The following PMAIP1 variants were observed in gnomAD, a reference collection of about 807,000 sequenced individuals.
PMAIP1 encodes phorbol-12-myristate-13-acetate-induced protein 1.
Under a neutral mutation model 3.7 loss-of-function variants are expected in PMAIP1, and 3 were observed. The observed-to-expected ratio is 0.82, with a 90% confidence interval of 0.37 to 2.12. The LOEUF is 2.12. Ranked by LOEUF, PMAIP1 falls within the 30% of genes most tolerant of loss-of-function variation. PMAIP1 has a pLI of 0.06. For missense variants in PMAIP1, 77 were observed against 67.1 expected (o/e 1.15, Z -0.52); for synonymous variants, 29 against 26.2 (o/e 1.11, Z -0.32).
chr18:59,900,379 C>CG (rs1384213984), intron 1 of PMAIP1, 144 bp downstream of exon 1: 1 of 1,545,214 alleles, frequency 6.5e-7, no homozygotes, highest in Non-Finnish European at 8.7e-7. Context: ...TGTGCCCTGG[C>CG]GCGAGCCTTA....
At chr18:59,902,151 A>G (rs537318317) in intron 1 of PMAIP1, among the ~76,000 whole-genome samples, 14 of 152,364 alleles carry the variant, frequency 9.2e-5, no homozygotes, top group African/African-American at 2.9e-4. Flanking sequence ...CTAAGCTGTA[A>G]ATTATTGCCA....
chr18:59,900,518 C>A, intron 1 of PMAIP1: 1 of 1,550,400 alleles, frequency 6.4e-7, no homozygotes, highest in Non-Finnish European at 8.7e-7. Flanking sequence ...AAGCTCCTTT[C>A]CTCCTCTCTT....
chr18:59,900,130 C>A lies in PMAIP1; in HGVS notation c.-48C>A. On this transcript the variant is annotated 5_prime_UTR_variant, in exon 1 of 2. It adds an upstream start codon to the 5' untranslated region. Transcript: ENST00000316660. The stretch of plus-strand genomic sequence containing the variant: ...CTGTCCGAGGTGCTCCAGTTGGAGG[C>A]TGAGGTTCCCGGGCTCTGTAGCTGA... 1.9e-6 allele frequency: 3 copies of A among 1,539,352 alleles called. No individual in the cohort carries two copies. Among genetic ancestry groups the A allele is most frequent in the Non-Finnish European group, 2.6e-6 (3 of 1,145,480 alleles).
At position 59,903,863 on chromosome 18, in the gene PMAIP1, A is replaced by G. The variant is rs1438479967; in HGVS notation, c.*1110A>G. ...CTGTATAGATAATTTGTATTAGAGT[A>G]TTATATAGCTTCTTAGTAGGGTCTC... On this transcript the variant is annotated 3_prime_UTR_variant, in exon 2 of 2. Transcript: ENST00000316660. 1 of 152,156 alleles carries G rather than the reference A, an allele frequency of 6.6e-6. No individual in the cohort carries two copies. The highest frequency in any genetic ancestry group is 2.4e-5 in the African/African-American group (1 of 41,446). 9.4% of individuals were successfully genotyped at this position (152,156 alleles called of 1,614,324 possible).
Position 59,900,196 on chromosome 18 carries a change from C to A in PMAIP1, c.19C>A (p.Arg7Ser), listed in dbSNP as rs866266024. 1 of 1,558,640 alleles carries A rather than the reference C, an allele frequency of 6.4e-7. No homozygotes were observed. The highest frequency in any genetic ancestry group is 1.2e-5 in the South Asian group (1 of 85,138). MPGKKA[R>S]KNAQPSPARA... The stretch of plus-strand genomic sequence containing the variant: ...GGCGGAGATGCCTGGGAAGAAGGCG[C>A]GCAAGAACGCTCAACCGAGCCCCGC... The change falls in exon 1 of 2, where the codon CGC becomes AGC. Residue 7 changes from arginine to serine, a missense_variant. Coordinates refer to ENST00000316660, the MANE Select transcript of PMAIP1 (RefSeq NM_021127.3).
chr18:59,902,946 T>G lies in PMAIP1; in HGVS notation c.*193T>G. 1 of 895,248 alleles carries G rather than the reference T, an allele frequency of 1.1e-6. No individual in the cohort carries two copies. The allele number at this position is 895,248 out of a possible 1,614,324, so 55.5% of individuals were successfully genotyped here. A position where few individuals can be genotyped will look rare whatever the true frequency, so the allele number is the denominator to read the frequency against. On this transcript the variant is annotated 3_prime_UTR_variant, in exon 2 of 2. Coordinates refer to ENST00000316660, the MANE Select transcript of PMAIP1 (RefSeq NM_021127.3). ...CAAGTTTTCCCAGATTATCATTCTT[T>G]GGGATGAGAGAACATTATAAAACCA...
chr18:59,900,813 A>AT, intron 1 of PMAIP1: 1 of 516,992 alleles, frequency 1.9e-6, no homozygotes, highest in Non-Finnish European at 3.5e-6. Context: ...CCCCACCCCG[A>AT]TACATACAGC....
chr18:59,900,444 G>A (rs1173354134), intron 1 of PMAIP1: 3 of 1,539,042 alleles, frequency 1.9e-6, no homozygotes, highest in Middle Eastern at 1.7e-4. Flanking sequence ...CGGGTACGGC[G>A]GGTACGGCGA....
In PMAIP1 at chr18:59,903,685, A is replaced by G. The variant is rs1454566723; in HGVS notation, c.*932A>G. 11 of 152,192 alleles carry G rather than the reference A, an allele frequency of 7.2e-5. No individual in the cohort carries two copies. The highest frequency in any genetic ancestry group is 1.5e-5 in the Non-Finnish European group (1 of 68,030). 9.4% of individuals were successfully genotyped at this position (152,192 alleles called of 1,614,324 possible). A position where few individuals can be genotyped will look rare whatever the true frequency, so the allele number is the denominator to read the frequency against. On this transcript the variant is annotated 3_prime_UTR_variant, in exon 2 of 2. Transcript: ENST00000316660. The stretch of plus-strand genomic sequence containing the variant: ...TCACATTAGTGTGCATCCTACAAAA[A>G]GTGATCTCTTAATGTAAATTAAGAA...
In PMAIP1 at chr18:59,900,035, C is replaced by A; in HGVS notation, c.-143C>A. 1.2e-6 allele frequency: 1 copy of A among 803,748 alleles called. No homozygotes were observed. The highest frequency in any genetic ancestry group is 1.8e-6 in the Non-Finnish European group (1 of 541,170). The allele number at this position is 803,748 out of a possible 1,614,324, so 49.8% of individuals were successfully genotyped here. On this transcript the variant is annotated 5_prime_UTR_variant, in exon 1 of 2. Transcript: ENST00000316660. ...ACTCACCGTGTGTAGTTGGCATCTCCGCGCGTCCGGACACCCGATCCCAGC... is the reference window on the plus strand; with the variant it reads ...ACTCACCGTGTGTAGTTGGCATCTCAGCGCGTCCGGACACCCGATCCCAGC...
chr18:59,903,007 G>GA lies in PMAIP1; in HGVS notation c.*258dup. On this transcript the variant is annotated 3_prime_UTR_variant, in exon 2 of 2. Coordinates refer to ENST00000316660, the MANE Select transcript of PMAIP1 (RefSeq NM_021127.3). ...TTTAAAGCAAGAATGGAAGACCCTT[G>GA]AAAATAAAGAAGTAATTATTGACAC... The GA allele has an allele frequency of 1.6e-6, 1 of 617,682 alleles. No individual in the cohort carries two copies. The highest frequency in any genetic ancestry group is 2.9e-6 in the Non-Finnish European group (1 of 349,320). 38.3% of individuals were successfully genotyped at this position (617,682 alleles called of 1,614,324 possible).
At chr18:59,901,784 G>T (rs1037778906) in intron 1 of PMAIP1, among the ~76,000 whole-genome samples, 1 of 152,068 alleles carries the variant, frequency 6.6e-6, no homozygotes, top group Admixed American at 6.5e-5. Flanking sequence ...GTATAGATAC[G>T]ATATTATAGT....
intron 1 of PMAIP1, among the ~76,000 whole-genome samples, chr18:59,900,983 A>G (rs184766064): frequency 2.6e-5 from 4 of 152,236 alleles, no homozygotes; most frequent in Non-Finnish European, 5.9e-5. Context: ...CTTTCATTTT[A>G]TAGAGCTCCT....
In PMAIP1 at chr18:59,902,771, A is replaced by T; in HGVS notation, c.*18A>T. ...GAACCTGACTGCATCAAAAACTTGC[A>T]TGAGGGGACTCCTTCAAAAGAGTTT... is the stretch of plus-strand genomic sequence containing the variant. On this transcript the variant is annotated 3_prime_UTR_variant, in exon 2 of 2. Transcript: ENST00000316660. The T allele has an allele frequency of 6.2e-7, 1 of 1,614,154 alleles. No individual in the cohort carries two copies. Among genetic ancestry groups the T allele is most frequent in the South Asian group, 1.1e-5 (1 of 91,090 alleles).
At position 59,904,229 on chromosome 18, in the gene PMAIP1, T is replaced by C. The variant is rs2055795276; in HGVS notation, c.*1476T>C. 1 of 152,176 alleles carries C rather than the reference T, an allele frequency of 6.6e-6. No homozygotes were observed. The highest frequency in any genetic ancestry group is 6.5e-5 in the Admixed American group (1 of 15,278). The allele number at this position is 152,176 out of a possible 1,614,324, so 9.4% of individuals were successfully genotyped here. On this transcript the variant is annotated 3_prime_UTR_variant, in exon 2 of 2. Transcript: ENST00000316660. ...CTATTTTACCATCTGGTATTTATGG[T>C]CTAATTTGTATTTAAACATATGCAC...
intron 1 of PMAIP1, 126 bp downstream of exon 1, chr18:59,900,361 G>T (rs373432056): frequency 2.6e-6 from 4 of 1,537,222 alleles, no homozygotes; most frequent in African/African-American, 2.7e-5. Context: ...TCAAGGTCGG[G>T]CCAGGTCTGT....
Position 59,902,618 on chromosome 18 carries a change from T to G in PMAIP1, c.59-29T>G, listed in dbSNP as rs1481170215. 1.9e-6 allele frequency: 3 copies of G among 1,590,104 alleles called. No individual in the cohort carries two copies. In the East Asian group the frequency reaches 6.7e-5, roughly 36 times the overall value. On this transcript the variant is annotated intron_variant, in intron 1 of 1. Transcript: ENST00000316660. ...TTACAGTCTGTAATATCATCAATGTTCATGTCCATGTTTTGCTTTCCTTCT... is the reference window on the plus strand; with the variant it reads ...TTACAGTCTGTAATATCATCAATGTGCATGTCCATGTTTTGCTTTCCTTCT...
Position 59,902,670 on chromosome 18 carries a change from C to CA in PMAIP1, c.84dup (p.Leu29ThrfsTer59), listed in dbSNP as rs1377052129. 1.2e-6 allele frequency: 2 copies of CA among 1,614,044 alleles called. No individual in the cohort carries two copies. The highest frequency in any genetic ancestry group is 1.3e-5 in the African/African-American group (1 of 74,934). On this transcript the variant is annotated frameshift_variant, in exon 2 of 2. Coordinates refer to ENST00000316660, the MANE Select transcript of PMAIP1 (RefSeq NM_021127.3). LOFTEE classifies it high-confidence loss of function. ...AGAGCTGGAAGTCGAGTGTGCTACT[C>CA]AACTCAGGAGATTTGGAGACAAACT...
At chr18:59,900,736 T>C (rs903388487) in intron 1 of PMAIP1, 5 of 714,934 alleles carry the variant, frequency 7.0e-6, no homozygotes, top group South Asian at 1.9e-5. Context: ...ATAATCGATA[T>C]TGTGGGAGGT....
Sources: gnomAD v4.1 joint callset for allele counts (sites outside exome capture counted in the v4.1 genomes callset) on GRCh38, gnomAD v4.1.1 for gene constraint, MANE v1.5 for transcripts, NCBI Gene and HGNC (gene_info 2026-07-23, HGNC 2026-07-21) for gene names.